The following LRP2 variants were observed in gnomAD, a reference collection of about 807,000 sequenced individuals.
LRP2 encodes the protein low-density lipoprotein receptor-related protein 2.
In LRP2, 172 loss-of-function variants were observed where a neutral mutation model predicts 531.0. That is an observed-to-expected ratio of 0.32 (90% CI 0.29 to 0.37). The LOEUF (loss-of-function observed/expected upper bound fraction) is 0.37. Among genes scored for constraint, LRP2 ranks in the 10% least tolerant of loss-of-function variants. The pLI, the probability that LRP2 is intolerant of heterozygous loss-of-function variation, is 1.00. For missense variants in LRP2, 5,167 were observed against 5,868.3 expected, an observed-to-expected ratio of 0.88 and a Z score of 3.90; for synonymous variants, 1,992 against 2,027.6, an observed-to-expected ratio of 0.98 and a Z score of 0.47.
intron 4 of LRP2, among the ~76,000 whole-genome samples, chr2:169,305,167 A>C (rs571620597): frequency 6.6e-6 from 1 of 152,374 alleles, no homozygotes; most frequent in South Asian, 2.1e-4. Context: ...GACAATGGCA[A>C]ATAGCACAGA....
At chr2:169,217,430 A>G (rs954351209) in intron 34 of LRP2, among the ~76,000 whole-genome samples, 7 of 152,038 alleles carry the variant, frequency 4.6e-5, no homozygotes, top group African/African-American at 1.7e-4. Context: ...TTTTCCTATT[A>G]AACTTGTTCT....
rs1689939351 is a variant in LRP2, at chr2:169,244,731, T to A, written c.3392A>T (p.Asp1131Val). The A allele has an allele frequency of 6.2e-7, 1 of 1,614,114 alleles. No homozygotes were observed. Among genetic ancestry groups the A allele is most frequent in the African/African-American group, 1.3e-5 (1 of 74,948 alleles). The stretch of plus-strand genomic sequence containing the variant: ...ATCAGATCCATCCCCACAATCATTG[T>A]CTGTGTCACAGACCCAGTTCTTTGA... ...CISKNWVCDT[D>V]NDCGDGSDEK... Residue 1131 changes from aspartate to valine, a missense_variant, in exon 22 of 79, where the codon GAC becomes GTC. Coordinates refer to ENST00000649046, the MANE Select transcript of LRP2 (RefSeq NM_004525.3).
chr2:169,128,743 C>T lies in LRP2; in HGVS notation c.13888G>A (p.Asp4630Asn). ...GTTGCAGAATAGGTTGGAGTTGGGTCTCTTCTCGAAGGAGGCTTAGGCTTA... is the reference window on the plus strand; with the variant it reads ...GTTGCAGAATAGGTTGGAGTTGGGTTTCTTCTCGAAGGAGGCTTAGGCTTA... ...PAKPKPPSRRDPTPTYSATED... is the reference protein window; with the variant it reads ...PAKPKPPSRRNPTPTYSATED... The change falls in exon 79 of 79, where the codon GAC (aspartate) becomes AAC (asparagine). Residue 4630 changes from aspartate to asparagine, a missense_variant. Asp to Asn is a conservative substitution (Grantham distance 23). Around this residue, in one of 6 missense-constraint regions of LRP2, gnomAD observed 348 missense variants for 369.3 expected, o/e 0.94. Coordinates refer to ENST00000649046, the MANE Select transcript of LRP2 (RefSeq NM_004525.3). The T allele has an allele frequency of 1.2e-6, 2 of 1,614,136 alleles. No homozygotes were observed. Among genetic ancestry groups the T allele is most frequent in the Non-Finnish European group, 1.7e-6 (2 of 1,179,988 alleles).
chr2:169,191,896 T>C lies in LRP2; in HGVS notation c.8968A>G (p.Arg2990Gly). ...AATTCATTTTCAGAGCAAGTTCTCC[T>C]GGTGCAATTCTGATTCTCATCGTAG... is the stretch of plus-strand genomic sequence containing the variant. ...DGYDENQNCT[R>G]RTCSENEFTC... is the part of the protein sequence containing the mutation. The change falls in exon 48 of 79, where the codon AGG becomes GGG. Residue 2990 changes from arginine (R) to glycine (G), a missense_variant. Arg to Gly is a moderately radical substitution (Grantham distance 125). Coordinates refer to ENST00000649046, the MANE Select transcript of LRP2 (RefSeq NM_004525.3). 1.2e-6 allele frequency: 2 copies of C among 1,614,190 alleles called. No individual in the cohort carries two copies. The highest frequency in any genetic ancestry group is 1.7e-6 in the Non-Finnish European group (2 of 1,180,038).
chr2:169,208,418 A>G (rs1355289827), intron 38 of LRP2, among the ~76,000 whole-genome samples: 1 of 152,090 alleles, frequency 6.6e-6, no homozygotes, highest in East Asian at 1.9e-4. Context: ...TTATTATAGT[A>G]CTTAGATTTT....
chr2:169,323,947 C>T (rs894008584), intron 1 of LRP2, among the ~76,000 whole-genome samples: 1 of 151,902 alleles, frequency 6.6e-6, no homozygotes, highest in Admixed American at 6.6e-5. Context: ...AAGAACCAGG[C>T]AATCATCACA....
intron 11 of LRP2, among the ~76,000 whole-genome samples, chr2:169,279,840 C>T (rs1006189729): frequency 5.9e-5 from 9 of 152,120 alleles, no homozygotes; most frequent in African/African-American, 2.2e-4. Context: ...TCAAAAATCT[C>T]CATTGCATTA....
intron 1 of LRP2, among the ~76,000 whole-genome samples, chr2:169,343,757 T>A (rs1049283832): frequency 6.6e-6 from 1 of 152,160 alleles, no homozygotes; most frequent in Non-Finnish European, 1.5e-5. Flanking sequence ...GAAGGGGTAG[T>A]TGGGGTATGG....
chr2:169,218,463 A>G (rs1025995388), intron 34 of LRP2, among the ~76,000 whole-genome samples: 3 of 152,028 alleles, frequency 2.0e-5, no homozygotes, highest in Admixed American at 6.6e-5. Context: ...TCTTAATCTT[A>G]TATGAATCTG....
intron 7 of LRP2, among the ~76,000 whole-genome samples, chr2:169,291,371 G>A (rs964431370): frequency 6.6e-6 from 1 of 152,146 alleles, no homozygotes; most frequent in Non-Finnish European, 1.5e-5. Flanking sequence ...TTGAATTTGT[G>A]GTTGGGCTTT....
At chr2:169,262,780 A>G (rs1690620578) in intron 16 of LRP2, among the ~76,000 whole-genome samples, 1 of 151,518 alleles carries the variant, frequency 6.6e-6, no homozygotes, top group African/African-American at 2.4e-5. Flanking sequence ...AAGAGCCCGC[A>G]TCGCCAAGTC....
intron 60 of LRP2, among the ~76,000 whole-genome samples, chr2:169,169,292 A>G (rs1198993428): frequency 6.6e-6 from 1 of 152,220 alleles, no homozygotes; most frequent in Non-Finnish European, 1.5e-5. Flanking sequence ...AATCATTTTT[A>G]TACTCCATCG....
intron 31 of LRP2, among the ~76,000 whole-genome samples, chr2:169,227,612 C>T (rs1003038951): frequency 2.0e-5 from 3 of 152,122 alleles, no homozygotes; most frequent in Non-Finnish European, 2.9e-5. Flanking sequence ...CTTTCATAAG[C>T]TAAAAATGAT....
rs1299651808 is a variant in LRP2 at position 169,156,196 on chromosome 2, G to A, written c.12151+78C>T. 8 of 1,571,818 alleles carry A rather than the reference G, an allele frequency of 5.1e-6. No individual in the cohort carries two copies. In the African/African-American group the frequency reaches 5.4e-5, roughly 11 times the overall value. On this transcript the variant is annotated intron_variant, in intron 65 of 78. Transcript: ENST00000649046. ...AAAAGAAAAACTATGAGAAGCTGAA[G>A]TTTCTTTCATCGTATAGTGTACTTA...
intron 4 of LRP2, among the ~76,000 whole-genome samples, chr2:169,298,197 AT>A (rs1684183197): frequency 6.8e-5 from 1 of 14,742 alleles, no homozygotes. Context: ...ACAAGCAATC[AT>A]CATCATCATC....
intron 19 of LRP2, among the ~76,000 whole-genome samples, chr2:169,248,510 G>A (rs1052387180): frequency 3.9e-5 from 6 of 152,212 alleles, no homozygotes; most frequent in African/African-American, 1.4e-4. Flanking sequence ...TTTTAGTTCT[G>A]TGTGGTGCAC....
Position 169,202,954 on chromosome 2 carries a change from TTGG to T in LRP2, c.8008_8010del (p.Pro2670del), listed in dbSNP as rs1369904156. ...TGTGGACACTGGCACTCGGCACCAT[TTGG>T]ACCTGAAGAAAGATAATCCCAGAAG... On this transcript the variant is annotated inframe_deletion and splice_region_variant, in exon 43 of 79. Transcript: ENST00000649046. 3.7e-6 allele frequency: 6 copies of T among 1,614,050 alleles called. No homozygotes were observed. Among genetic ancestry groups the T allele is most frequent in the African/African-American group, 1.3e-5 (1 of 75,034 alleles).
At position 169,246,815 on chromosome 2, in the gene LRP2, C is replaced by G; in HGVS notation, c.3080G>C (p.Gly1027Ala). The change falls in exon 21 of 79, where the codon GGC becomes GCC. Residue 1027 changes from glycine (G) to alanine (A), a missense_variant. Gly to Ala is a moderately conservative substitution (Grantham distance 60). Around this residue, in one of 6 missense-constraint regions of LRP2, gnomAD observed 2,811 missense variants for 3,058.0 expected, o/e 0.92. Transcript: ENST00000649046. The part of the protein sequence containing the change: ...PTNEPPTEQC[G>A]LFSFPCKNGR... ...ATTTTTACAGGGGAAGGAAAATAAG[C>G]CACACTGCTCTGTGGGTGGTTCATT... 6.2e-7 allele frequency: 1 copy of G among 1,614,132 alleles called. No homozygotes were observed. The highest frequency in any genetic ancestry group is 8.5e-7 in the Non-Finnish European group (1 of 1,180,030).
intron 16 of LRP2, among the ~76,000 whole-genome samples, chr2:169,267,118 G>A (rs1287022914): frequency 3.3e-5 from 5 of 151,172 alleles, no homozygotes; most frequent in South Asian, 2.1e-4. Flanking sequence ...TCAAACTCCC[G>A]GCCTCAAGCA....
Sources: allele counts gnomAD v4.1 joint callset (sites outside exome capture counted in the v4.1 genomes callset), GRCh38; gene constraint gnomAD v4.1.1; regional missense constraint gnomAD v4.1.1; transcripts MANE v1.5; gene names NCBI Gene and HGNC (gene_info 2026-07-23, HGNC 2026-07-21).